Variants in STARD13 observed in about 807,000 individuals in gnomAD.
STARD13 encodes stAR-related lipid transfer protein 13.
STARD13 carries 62 observed loss-of-function variants against 106.4 expected under a neutral mutation model. The observed-to-expected ratio is 0.58, with a 90% CI of 0.48 to 0.72. The LOEUF is 0.72. Ranked by LOEUF, STARD13 falls within the 30% of genes least tolerant of loss-of-function variation. STARD13 has a pLI of 0.00. For missense variants in STARD13, 1,387 were observed against 1,424.0 expected, an observed-to-expected ratio of 0.97 and a Z score of 0.42; for synonymous variants, 565 against 553.0, an observed-to-expected ratio of 1.02 and a Z score of -0.31.
chr13:33,165,301 C>T lies in STARD13; in HGVS notation c.323+36G>A, dbSNP rs756461865. ...ATAGTGATGCCTGTTGCAGACTGAA[C>T]AGTGGAAAGAAACAAAAATACTTCA... On this transcript the variant is annotated intron_variant, in intron 3 of 13. Transcript: ENST00000336934. 2.0e-6 allele frequency: 3 copies of T among 1,486,918 alleles called. No individual in the cohort carries two copies. In the Admixed American group the frequency reaches 5.0e-5, roughly 25 times the overall value. 92.1% of individuals were successfully genotyped at this position (1,486,918 alleles called of 1,614,324 possible). A position where few individuals can be genotyped will look rare whatever the true frequency, so the allele number is the denominator to read the frequency against.
intron 1 of STARD13, among the ~76,000 whole-genome samples, chr13:33,230,088 A>G (rs1415168442): frequency 6.6e-6 from 1 of 152,228 alleles, no homozygotes; most frequent in Admixed American, 6.5e-5. Flanking sequence ...CGAATTTGCA[A>G]TTATTGGGAG....
the STARD13 span, among the ~76,000 whole-genome samples, chr13:33,552,051 CAA>C: frequency 1.3e-5 from 2 of 151,940 alleles, no homozygotes; most frequent in African/African-American, 2.4e-5. Flanking sequence ...ATACTTGAGA[CAA>C]AGAGTACATT....
the STARD13 span, among the ~76,000 whole-genome samples, chr13:33,460,049 C>T: frequency 3.3e-5 from 5 of 152,226 alleles, no homozygotes; most frequent in African/African-American, 7.2e-5. Context: ...TTCTTACACT[C>T]GGAGTTCACT....
chr13:33,147,967 T>C, intron 3 of STARD13, among the ~76,000 whole-genome samples: 1 of 152,212 alleles, frequency 6.6e-6, no homozygotes, highest in East Asian at 1.9e-4. Context: ...ATACGATGGA[T>C]AAAAGGTAGT....
chr13:33,224,246 C>CCT (rs1345606781), intron 1 of STARD13, among the ~76,000 whole-genome samples: 1 of 152,186 alleles, frequency 6.6e-6, no homozygotes, highest in African/African-American at 2.4e-5. Context: ...ATAATGCTCT[C>CCT]ATCTTTTCAG....
the STARD13 span, among the ~76,000 whole-genome samples, chr13:33,615,410 A>T: frequency 6.6e-6 from 1 of 152,312 alleles, no homozygotes; most frequent in African/African-American, 2.4e-5. Flanking sequence ...TTTTAAACTT[A>T]AAGATCCACA....
At chr13:33,197,259 A>G (rs997640547) in intron 1 of STARD13, among the ~76,000 whole-genome samples, 6 of 152,190 alleles carry the variant, frequency 3.9e-5, no homozygotes, top group Non-Finnish European at 5.9e-5. Flanking sequence ...CAGCACACCT[A>G]TTACCAATTC....
intron 1 of STARD13, among the ~76,000 whole-genome samples, chr13:33,235,991 AC>A (rs1737402133): frequency 6.6e-6 from 1 of 151,852 alleles, no homozygotes; most frequent in Non-Finnish European, 1.5e-5. Context: ...CAAAAAATCC[AC>A]CCCCCAAATC....
At chr13:33,606,332 A>T in the STARD13 span, among the ~76,000 whole-genome samples, 2 of 152,170 alleles carry the variant, frequency 1.3e-5, no homozygotes, top group East Asian at 3.8e-4. Flanking sequence ...TGCAATAATA[A>T]TACCTATATA....
intron 1 of STARD13, among the ~76,000 whole-genome samples, chr13:33,227,304 T>C (rs527586990): frequency 1.3e-5 from 2 of 152,248 alleles, no homozygotes; most frequent in East Asian, 1.9e-4. Flanking sequence ...TCCTCATAGA[T>C]AGCTAAAATA....
At chr13:33,671,897 T>G in the STARD13 span, among the ~76,000 whole-genome samples, 1 of 152,204 alleles carries the variant, frequency 6.6e-6, no homozygotes, top group Admixed American at 6.5e-5. Context: ...ATCCTTAGCT[T>G]GTCCCTTTTA....
chr13:33,654,416 G>A, the STARD13 span, among the ~76,000 whole-genome samples: 1 of 152,164 alleles, frequency 6.6e-6, no homozygotes, highest in East Asian at 1.9e-4. Flanking sequence ...TGCAAAATAG[G>A]CAAATCTATA....
intron 1 of STARD13, among the ~76,000 whole-genome samples, chr13:33,334,547 G>C (rs1272986240): frequency 6.6e-6 from 1 of 152,190 alleles, no homozygotes; most frequent in East Asian, 1.9e-4. Context: ...GTCAGGGCCG[G>C]TCCTCCTGCC....
chr13:33,648,206 T>C, the STARD13 span, among the ~76,000 whole-genome samples: 2 of 152,194 alleles, frequency 1.3e-5, no homozygotes, highest in Non-Finnish European at 2.9e-5. Flanking sequence ...GGAAAGTAAC[T>C]AAGGAAGGTA....
At chr13:33,489,338 T>C in the STARD13 span, among the ~76,000 whole-genome samples, 1 of 152,214 alleles carries the variant, frequency 6.6e-6, no homozygotes, top group African/African-American at 2.4e-5. Flanking sequence ...GGCAACTCAC[T>C]ATAGTAAAGC....
chr13:33,142,215 G>C, intron 4 of STARD13, 95 bp downstream of exon 4: 1 of 925,890 alleles, frequency 1.1e-6, no homozygotes, highest in Non-Finnish European at 1.7e-6. Flanking sequence ...TTATTTTTTT[G>C]TAGACACAAG....
At chr13:33,409,475 T>G in the STARD13 span, among the ~76,000 whole-genome samples, 4 of 152,228 alleles carry the variant, frequency 2.6e-5, no homozygotes, top group African/African-American at 9.6e-5. Context: ...AAAAGGGACC[T>G]TAAGTTACTA....
chr13:33,579,974 G>T, the STARD13 span, among the ~76,000 whole-genome samples: 1 of 152,022 alleles, frequency 6.6e-6, no homozygotes, highest in Non-Finnish European at 1.5e-5. Flanking sequence ...AACGCAAAAT[G>T]GTATAGCTGC....
chr13:33,529,410 A>G, the STARD13 span, among the ~76,000 whole-genome samples: 2 of 152,180 alleles, frequency 1.3e-5, no homozygotes, highest in Non-Finnish European at 2.9e-5. Flanking sequence ...AGAAATCTGC[A>G]TCTTGTTACT....
Sources: gnomAD v4.1 joint callset for allele counts (sites outside exome capture counted in the v4.1 genomes callset) on GRCh38, gnomAD v4.1.1 for gene constraint, MANE v1.5 for transcripts, NCBI Gene and HGNC (gene_info 2026-07-23, HGNC 2026-07-21) for gene names.